WDFY3: variants seen among roughly 807,000 people sequenced by gnomAD.
The protein encoded by WDFY3 is WD repeat and FYVE domain containing 3.
A neutral mutation model predicts 409.6 loss-of-function variants in WDFY3; 66 were observed. That is an observed-to-expected ratio of 0.16 (90% CI 0.13 to 0.20). The LOEUF (loss-of-function observed/expected upper bound fraction) is 0.20, where lower values mean the gene tolerates loss of function less well. WDFY3 is among the 10% of genes least tolerant of loss of function. The pLI is 1.00. For missense variants in WDFY3, 3,031 were observed against 4,298.1 expected, an observed-to-expected ratio of 0.71 and a Z score of 8.24; for synonymous variants, 1,521 against 1,537.1, an observed-to-expected ratio of 0.99 and a Z score of 0.25.
At chr4:84,691,596 C>A in intron 60 of WDFY3, 35 bp downstream of exon 60, 1 of 1,603,960 alleles carries the variant, frequency 6.2e-7, no homozygotes, top group Non-Finnish European at 8.5e-7. Context: ...CACAAAAGAG[C>A]AATATTAAAT....
intron 3 of WDFY3, among the ~76,000 whole-genome samples, chr4:84,895,473 C>T (rs933988654): frequency 1.4e-4 from 21 of 152,112 alleles, no homozygotes; most frequent in Non-Finnish European, 1.5e-5. Flanking sequence ...CAAGAAAGCA[C>T]AAGATACGCT....
Position 84,810,201 on chromosome 4 carries a change from G to T in WDFY3, c.2031C>A (p.Asn677Lys). 1.2e-6 allele frequency: 2 copies of T among 1,614,086 alleles called. No individual in the cohort carries two copies. The highest frequency in any genetic ancestry group is 1.7e-6 in the Non-Finnish European group (2 of 1,179,994). The change falls in exon 14 of 68, where the codon AAC becomes AAA. Residue 677 changes from asparagine to lysine, a missense_variant. This residue lies in a region of WDFY3 where 1,322 missense variants were observed against 1,697.9 expected (regional missense o/e 0.78). Transcript: ENST00000295888. ...CPPKNGWEKV[N>K]QNQVFELLHT... ...GAAGAAGTTCAAACACTTGATTCTG[G>T]TTCACTTTCTCCCAGCCATTCTTGG...
intron 6 of WDFY3, among the ~76,000 whole-genome samples, chr4:84,840,525 T>C (rs369678339): frequency 6.6e-6 from 1 of 152,162 alleles, no homozygotes; most frequent in East Asian, 1.9e-4. Flanking sequence ...CTGAGCTACT[T>C]GCCACCAGCC....
intron 18 of WDFY3, 117 bp from the exon 19 acceptor site, chr4:84,796,869 G>A (rs754044385): frequency 6.4e-6 from 5 of 780,488 alleles, no homozygotes; most frequent in Non-Finnish European, 1.0e-5. Flanking sequence ...TTTTTTTTAA[G>A]TGCCAAGATC....
intron 40 of WDFY3, among the ~76,000 whole-genome samples, chr4:84,738,544 G>C (rs1410854154): frequency 6.6e-6 from 1 of 151,086 alleles, no homozygotes; most frequent in Non-Finnish European, 1.5e-5. Context: ...AAAGGTTGTA[G>C]TGAGCTGAAA....
At chr4:84,720,921 A>G (rs940979282) in intron 47 of WDFY3, among the ~76,000 whole-genome samples, 2 of 152,328 alleles carry the variant, frequency 1.3e-5, no homozygotes, top group Non-Finnish European at 2.9e-5. Context: ...GAATGAGACC[A>G]GAGAGGTCAG....
intron 53 of WDFY3, among the ~76,000 whole-genome samples, chr4:84,708,480 T>C (rs1269991323): frequency 6.6e-6 from 1 of 152,202 alleles, no homozygotes; most frequent in African/African-American, 2.4e-5. Flanking sequence ...TAAGTGCCTT[T>C]GCCTATTGAG....
At chr4:84,832,888 C>T (rs1755954456) in intron 7 of WDFY3, among the ~76,000 whole-genome samples, 1 of 151,768 alleles carries the variant, frequency 6.6e-6, no homozygotes, top group African/African-American at 2.4e-5. Context: ...ATGTAATTTT[C>T]TTCTCTAAAA....
chr4:84,702,565 T>C, intron 55 of WDFY3, 59 bp from the exon 56 acceptor site: 1 of 1,434,758 alleles, frequency 7.0e-7, no homozygotes, highest in African/African-American at 1.4e-5. Flanking sequence ...ACAGCTTCTG[T>C]CAAGTTCAAG....
intron 21 of WDFY3, among the ~76,000 whole-genome samples, chr4:84,792,649 T>C (rs994778420): frequency 3.3e-5 from 5 of 152,176 alleles, no homozygotes; most frequent in African/African-American, 1.2e-4. Context: ...TCATTTCTAA[T>C]CATATATGGA....
chr4:84,960,091 A>G (rs1352392230), intron 1 of WDFY3, among the ~76,000 whole-genome samples: 1 of 152,202 alleles, frequency 6.6e-6, no homozygotes, highest in Non-Finnish European at 1.5e-5. Context: ...TTTACTTCCC[A>G]TTAACCTTCC....
chr4:84,892,270 G>T (rs1765057602), intron 3 of WDFY3, among the ~76,000 whole-genome samples: 1 of 151,236 alleles, frequency 6.6e-6, no homozygotes, highest in Non-Finnish European at 1.5e-5. Flanking sequence ...TTAACTGTCA[G>T]AAATTTAAAC....
At position 84,782,982 on chromosome 4, in the gene WDFY3, G is replaced by A. The variant is rs373085519; in HGVS notation, c.4155C>T (p.Ala1385=). 1.8e-5 allele frequency: 29 copies of A among 1,614,086 alleles called. No individual in the cohort carries two copies. Among genetic ancestry groups the A allele is most frequent in the Non-Finnish European group, 2.0e-5 (24 of 1,180,008 alleles). Residue 1385 remains alanine, a synonymous_variant, in exon 25 of 68, where the codon GCC becomes GCT. Coordinates refer to ENST00000295888, the MANE Select transcript of WDFY3 (RefSeq NM_014991.6). Reference sequence around the variant, plus strand: ...ACTCACCCAAGTATCCAATCAGAGCGGCCCCAATTGTCCGTGCAGATCCAT... The same window carrying A: ...ACTCACCCAAGTATCCAATCAGAGCAGCCCCAATTGTCCGTGCAGATCCAT... ...HLNGSARTIG[A]ALIGYLGVRT...
At chr4:84,809,339 G>A in intron 14 of WDFY3, 1 of 150,560 alleles carries the variant, frequency 6.6e-6, no homozygotes, top group Non-Finnish European at 1.5e-5. Flanking sequence ...CTAGCACAGT[G>A]ACTTGGCATG....
intron 2 of WDFY3, among the ~76,000 whole-genome samples, chr4:84,916,512 C>G (rs995603639): frequency 6.6e-6 from 1 of 152,160 alleles, no homozygotes; most frequent in Non-Finnish European, 1.5e-5. Context: ...ATATGATTAC[C>G]AGCAGCAAGT....
At chr4:84,740,062 A>T in intron 39 of WDFY3, 125 bp downstream of exon 39, 1 of 971,202 alleles carries the variant, frequency 1.0e-6, no homozygotes, top group Non-Finnish European at 1.5e-6. Context: ...TTACCTTTTT[A>T]CATAAAGGTT....
chr4:84,860,439 C>G lies in WDFY3; in HGVS notation c.153G>C (p.Leu51=). The change falls in exon 4 of 68, where the codon CTG becomes CTC. Residue 51 remains leucine (L), a synonymous_variant. Transcript: ENST00000295888. ...HMTQKEQEEK[L]YMMLPVFNRV... Reference sequence around the variant, plus strand: ...TGTTAAACACTGGCAGCATCATATACAGTTTCTCTTCTTGTTCCTTCTGAG... The same window carrying G: ...TGTTAAACACTGGCAGCATCATATAGAGTTTCTCTTCTTGTTCCTTCTGAG... The G allele has an allele frequency of 1.2e-6, 2 of 1,614,024 alleles. No individual in the cohort carries two copies. The highest frequency in any genetic ancestry group is 1.7e-6 in the Non-Finnish European group (2 of 1,179,936).
intron 2 of WDFY3, among the ~76,000 whole-genome samples, chr4:84,903,097 TCA>T (rs2150643184): frequency 6.6e-6 from 1 of 152,236 alleles, no homozygotes; most frequent in African/African-American, 2.4e-5. Flanking sequence ...TAAGGTTGAG[TCA>T]AATGAAATTG....
chr4:84,779,756 G>C (rs1179903203), intron 26 of WDFY3, among the ~76,000 whole-genome samples: 1 of 151,986 alleles, frequency 6.6e-6, no homozygotes, highest in East Asian at 1.9e-4. Context: ...TCAGGAAGGG[G>C]GAATAGGACC....
Sources: gnomAD v4.1 joint callset for allele counts (sites outside exome capture counted in the v4.1 genomes callset) on GRCh38, gnomAD v4.1.1 for gene constraint, gnomAD v4.1.1 regional missense constraint, MANE v1.5 for transcripts, NCBI Gene and HGNC (gene_info 2026-07-23, HGNC 2026-07-21) for gene names.